Variants in CECR2 observed in about 807,000 individuals in gnomAD.
CECR2 encodes the protein CECR2 histone acetyl-lysine reader.
In CECR2, 30 loss-of-function variants were observed where a neutral mutation model predicts 154.5. That is an observed-to-expected ratio of 0.19 (90% CI 0.15 to 0.26). The LOEUF (loss-of-function observed/expected upper bound fraction) is 0.26. Among genes scored for constraint, CECR2 ranks in the 10% least tolerant of loss-of-function variants. The probability of loss-of-function intolerance (pLI) is 1.00; values close to 1 mark genes in which losing one functional copy is unlikely to be tolerated. For synonymous variants in CECR2, 725 were observed against 683.7 expected (o/e 1.06, Z -0.94); for missense variants, 1,743 against 1,829.3 (o/e 0.95, Z 0.86).
chr22:17,368,873 G>A (rs1053750138), upstream of CECR2, among the ~76,000 whole-genome samples: 3 of 151,810 alleles, frequency 2.0e-5, no homozygotes, highest in Non-Finnish European at 4.4e-5. Flanking sequence ...ATCCTACTTC[G>A]TTCCAGCTCA....
chr22:17,378,765 G>T (rs1356969585), intron 1 of CECR2, among the ~76,000 whole-genome samples: 2 of 152,070 alleles, frequency 1.3e-5, no homozygotes, highest in Non-Finnish European at 2.9e-5. Context: ...TTTCAGTGTT[G>T]GTCATTGTAT....
At position 17,457,442 on chromosome 22, in the gene CECR2, A is replaced by G. The variant is rs545392974; in HGVS notation, c.127-20146A>G. On this transcript the variant is annotated intron_variant, in intron 1 of 18. Coordinates refer to ENST00000262608, the MANE Select transcript of CECR2 (RefSeq NM_001290047.2). ...GATATTTTTGCAATTCATTCATAATACCTTTCGTTAATAAAATTCTATCAT... is the reference window on the plus strand; with the variant it reads ...GATATTTTTGCAATTCATTCATAATGCCTTTCGTTAATAAAATTCTATCAT... Among the ~76,000 whole-genome samples, 55 of 152,346 alleles carry G rather than the reference A, an allele frequency of 3.6e-4. 1 individual carries two copies. In the South Asian group the frequency reaches 0.011, roughly 30 times the overall value.
rs542835103 is a variant in CECR2 at position 17,415,479 on chromosome 22, C to T, written c.126+45570C>T. Among the ~76,000 whole-genome samples the T allele has an allele frequency of 1.4e-4, 22 of 152,226 alleles. No homozygotes were observed. The South Asian group carries it at 4.6e-3, about 32-fold the overall frequency. On this transcript the variant is annotated intron_variant, in intron 1 of 18. Transcript: ENST00000262608. ...CTGGTCTCAAACTCCTGGGCTCAAG[C>T]GATCTTCCTGCCTTGGCCTCCCAAA...
rs1268237122 is a variant in CECR2 at position 17,542,757 on chromosome 22, G to C, written c.2614G>C (p.Gly872Arg). ...TGGAGCACCTGCCCAGGCTCTTCGGGGGGTGCAGGGAGGGGACTCCATGAT... is the reference window on the plus strand; with the variant it reads ...TGGAGCACCTGCCCAGGCTCTTCGGCGGGTGCAGGGAGGGGACTCCATGAT... ...LFGAPAQALR[G>R]VQGGDSMMDS... Residue 872 changes from glycine (G) to arginine (R), a missense_variant, in exon 16 of 19, where the codon GGG becomes CGG. Gly to Arg is a moderately radical substitution (Grantham distance 125). This residue lies in a region of CECR2 where 1,250 missense variants were observed against 1,192.1 expected (regional missense o/e 1.05). Transcript: ENST00000262608. The C allele has an allele frequency of 1.2e-6, 2 of 1,613,846 alleles. No individual in the cohort carries two copies. The highest frequency in any genetic ancestry group is 1.7e-6 in the Non-Finnish European group (2 of 1,179,898).
intron 16 of CECR2, among the ~76,000 whole-genome samples, chr22:17,545,305 G>A (rs1000740606): frequency 2.0e-5 from 3 of 147,158 alleles, no homozygotes; most frequent in Non-Finnish European, 3.0e-5. Context: ...AACCCGGGAG[G>A]CGGAGCTTGC....
intron 2 of CECR2, among the ~76,000 whole-genome samples, chr22:17,493,218 C>T (rs772735101): frequency 1.3e-5 from 2 of 152,170 alleles, no homozygotes; most frequent in Non-Finnish European, 2.9e-5. Flanking sequence ...GTGATCTGCC[C>T]ATCTCGGCCT....
chr22:17,426,566 A>G (rs1027202351), intron 1 of CECR2, among the ~76,000 whole-genome samples: 16 of 152,246 alleles, frequency 1.1e-4, no homozygotes. Flanking sequence ...CATATTGGCC[A>G]GGCTGGTCTC....
chr22:17,446,930 G>C (rs975886677), intron 1 of CECR2, among the ~76,000 whole-genome samples: 8 of 134,070 alleles, frequency 6.0e-5, no homozygotes, highest in African/African-American at 2.7e-4. Context: ...ACAGAACACT[G>C]GTGCATTTTT....
chr22:17,557,808 T>C lies in CECR2; in HGVS notation c.*4968T>C, dbSNP rs2146183352. On this transcript the variant is annotated 3_prime_UTR_variant, in exon 19 of 19. Coordinates refer to ENST00000262608, the MANE Select transcript of CECR2 (RefSeq NM_001290047.2). ...TAGCCAGGGCTCAGGTACCTCACTC[T>C]CCTGCCTTGTGCGTAGCTCCTGGGG... The C allele has an allele frequency of 6.6e-6, 1 of 152,230 alleles. No homozygotes were observed. The highest frequency in any genetic ancestry group is 2.1e-4 in the South Asian group (1 of 4,810). The allele number at this position is 152,230 out of a possible 1,614,324, so 9.4% of individuals were successfully genotyped here. A position where few individuals can be genotyped will look rare whatever the true frequency, so the allele number is the denominator to read the frequency against.
Position 17,542,758 on chromosome 22 carries a change from G to C in CECR2, c.2615G>C (p.Gly872Ala). 1.2e-6 allele frequency: 2 copies of C among 1,613,978 alleles called. No individual in the cohort carries two copies. The change falls in exon 16 of 19, where the codon GGG becomes GCG. Residue 872 changes from glycine to alanine, a missense_variant. Coordinates refer to ENST00000262608, the MANE Select transcript of CECR2 (RefSeq NM_001290047.2). ...LFGAPAQALRGVQGGDSMMDS... is the reference protein window; with the variant it reads ...LFGAPAQALRAVQGGDSMMDS... ...GGAGCACCTGCCCAGGCTCTTCGGG[G>C]GGTGCAGGGAGGGGACTCCATGATG...
chr22:17,472,739 G>A (rs1234250655), intron 1 of CECR2, among the ~76,000 whole-genome samples: 3 of 152,128 alleles, frequency 2.0e-5, no homozygotes, highest in African/African-American at 7.2e-5. Flanking sequence ...ACAGGGATTA[G>A]AAACACATCA....
chr22:17,472,329 T>C (rs1280110491), intron 1 of CECR2, among the ~76,000 whole-genome samples: 2 of 152,238 alleles, frequency 1.3e-5, no homozygotes, highest in African/African-American at 4.8e-5. Context: ...GGGAGCCTTC[T>C]GGAGGCCAGT....
chr22:17,433,652 C>T (rs2054460497), intron 1 of CECR2, among the ~76,000 whole-genome samples: 1 of 152,048 alleles, frequency 6.6e-6, no homozygotes, highest in African/African-American at 2.4e-5. Flanking sequence ...TTCTGTGTTC[C>T]CCAGGGGTGG....
In CECR2 at chr22:17,497,603, A is replaced by G. The variant is rs1300915152; in HGVS notation, c.405+17A>G. 6.2e-7 allele frequency: 1 copy of G among 1,609,854 alleles called. No individual in the cohort carries two copies. ...CTTCTAAAGGTATGCTTAACTGGCG[A>G]ACCTTTCCCTGTAGCTGTGAAAAGC... On this transcript the variant is annotated intron_variant, in intron 3 of 18. Coordinates refer to ENST00000262608, the MANE Select transcript of CECR2 (RefSeq NM_001290047.2).
At chr22:17,406,177 T>G (rs1054975541) in intron 1 of CECR2, among the ~76,000 whole-genome samples, 2 of 152,184 alleles carry the variant, frequency 1.3e-5, no homozygotes, top group African/African-American at 2.4e-5. Flanking sequence ...AGACTTGTTT[T>G]ATGGCCCAGA....
rs869050391 is a variant in CECR2, at chr22:17,482,115, C to CAAAAAAAAAAAA, written c.221+4448_221+4459dup. On this transcript the variant is annotated intron_variant, in intron 2 of 18. Coordinates refer to ENST00000262608, the MANE Select transcript of CECR2 (RefSeq NM_001290047.2). ...GGGTGACAGATCGAGACTCTGTCTCCAAAAAAAAAAAAAAAAAAAAAAAAA... is the reference window on the plus strand; with the variant it reads ...GGGTGACAGATCGAGACTCTGTCTCCAAAAAAAAAAAAAAAAAAAAAAAAAAAAAAAAAAAAA... 3.7e-4 allele frequency among the ~76,000 whole-genome samples: 28 copies of CAAAAAAAAAAAA among 76,320 alleles called. No individual in the cohort carries two copies. In the East Asian group the frequency reaches 6.1e-3, roughly 17 times the overall value. 50.1% of individuals were successfully genotyped at this position (76,320 alleles called of 152,430 possible). A position where few individuals can be genotyped will look rare whatever the true frequency, so the allele number is the denominator to read the frequency against.
At chr22:17,430,276 T>C (rs1197627972) in intron 1 of CECR2, among the ~76,000 whole-genome samples, 2 of 152,172 alleles carry the variant, frequency 1.3e-5, no homozygotes. Flanking sequence ...CCGCATTTGT[T>C]TAGCAAAATG....
At chr22:17,506,096 C>G (rs1257357918) in intron 7 of CECR2, among the ~76,000 whole-genome samples, 1 of 152,148 alleles carries the variant, frequency 6.6e-6, no homozygotes. Flanking sequence ...ATCCTTCTGT[C>G]TTGGCTTCCC....
intron 1 of CECR2, among the ~76,000 whole-genome samples, chr22:17,406,401 TA>T (rs1193287936): frequency 1.3e-5 from 2 of 152,136 alleles, no homozygotes; most frequent in Non-Finnish European, 2.9e-5. Context: ...CACACGCCTG[TA>T]ATCCCAGCTA....
Sources: allele counts gnomAD v4.1 joint callset (sites outside exome capture counted in the v4.1 genomes callset), GRCh38; gene constraint gnomAD v4.1.1; regional missense constraint gnomAD v4.1.1; transcripts MANE v1.5; gene names NCBI Gene and HGNC (gene_info 2026-07-23, HGNC 2026-07-21).